The following FCGR3B variants were observed in gnomAD, a reference collection of about 807,000 sequenced individuals.
FCGR3B encodes the protein low affinity immunoglobulin gamma Fc region receptor III-B.
In FCGR3B, 20 loss-of-function variants were observed where a neutral mutation model predicts 26.7. That is an observed-to-expected ratio of 0.75 (90% CI 0.53 to 1.09). FCGR3B has a LOEUF of 1.09. Ranked by LOEUF, FCGR3B falls within the 50% of genes least tolerant of loss-of-function variation. The probability of loss-of-function intolerance (pLI) is 0.00; values close to 1 mark genes in which losing one functional copy is unlikely to be tolerated. For synonymous variants in FCGR3B, 79 were observed against 107.0 expected, an observed-to-expected ratio of 0.74 and a Z score of 1.62; for missense variants, 191 against 279.7, an observed-to-expected ratio of 0.68 and a Z score of 2.26.
At position 161,630,081 on chromosome 1, in the gene FCGR3B, G is replaced by T. The variant is rs1200905878; in HGVS notation, c.62-46C>A. 1.1e-5 allele frequency: 15 copies of T among 1,380,542 alleles called. 1 individual carries two copies. The highest frequency in any genetic ancestry group is 1.5e-5 in the Non-Finnish European group (15 of 1,025,780). 85.5% of individuals were successfully genotyped at this position (1,380,542 alleles called of 1,614,324 possible). A position where few individuals can be genotyped will look rare whatever the true frequency, so the allele number is the denominator to read the frequency against. ...GGGGTGAGGACAGGGAGAGGAGCAG[G>T]CTCTACACTGCCATTCCCAGGGAGC... On this transcript the variant is annotated intron_variant, in intron 2 of 4. Transcript: ENST00000650385.
At chr1:161,626,987 G>A (rs1679498299) in intron 3 of FCGR3B, among the ~76,000 whole-genome samples, 1 of 149,832 alleles carries the variant, frequency 6.7e-6, no homozygotes, top group African/African-American at 2.5e-5. Context: ...GTGGCAATTC[G>A]TGGTTTCTAA....
At position 161,630,805 on chromosome 1, in the gene FCGR3B, T is replaced by A. The variant is rs1679707925; in HGVS notation, c.40+250A>T. 29 of 820,138 alleles carry A rather than the reference T, an allele frequency of 3.5e-5. 1 individual carries two copies. In the South Asian group the frequency reaches 5.3e-4, roughly 15 times the overall value. The allele number at this position is 820,138 out of a possible 1,614,324, so 50.8% of individuals were successfully genotyped here. On this transcript the variant is annotated intron_variant, in intron 1 of 4. Coordinates refer to ENST00000650385, the MANE Select transcript of FCGR3B (RefSeq NM_001244753.2). Reference sequence around the variant, plus strand: ...GACCATCTAGTCGAAGCTCTTTGGTTCCACATAGTGATTCTGGGACCCAGA... The same window carrying A: ...GACCATCTAGTCGAAGCTCTTTGGTACCACATAGTGATTCTGGGACCCAGA...
Position 161,624,356 on chromosome 1 carries a change from G to C in FCGR3B, c.*159C>G. 2.4e-6 allele frequency: 2 copies of C among 841,618 alleles called. 1 individual carries two copies. The highest frequency in any genetic ancestry group is 3.6e-5 in the African/African-American group (2 of 56,256). The allele number at this position is 841,618 out of a possible 1,614,324, so 52.1% of individuals were successfully genotyped here. ...GGCTCTGAGTTCTATGTTTCCTGCT[G>C]CTTGTAGAGAGGCCTGAGGATGATG... On this transcript the variant is annotated 3_prime_UTR_variant, in exon 5 of 5. Coordinates refer to ENST00000650385, the MANE Select transcript of FCGR3B (RefSeq NM_001244753.2).
chr1:161,629,164 A>G (rs1365357744), intron 3 of FCGR3B, among the ~76,000 whole-genome samples: 1 of 87,056 alleles, frequency 1.1e-5, no homozygotes, highest in African/African-American at 4.1e-5. Context: ...GTGGTGGCTC[A>G]CGCCTGTAGT....
chr1:161,630,773 CCCT>C (rs1339206310), intron 1 of FCGR3B: 2 of 611,036 alleles, frequency 3.3e-6, no homozygotes, highest in African/African-American at 3.9e-5. Context: ...AAGAGACAGA[CCCT>C]AGGGACCATC....
Position 161,624,253 on chromosome 1 carries a change from G to C in FCGR3B, c.*262C>G. ...TTCTAGGAATGCAGCTACTCACTGG[G>C]GCTTCCCTGCTTGAAGATCATGGGC... On this transcript the variant is annotated 3_prime_UTR_variant, in exon 5 of 5. Coordinates refer to ENST00000650385, the MANE Select transcript of FCGR3B (RefSeq NM_001244753.2). The C allele has an allele frequency of 4.6e-6, 2 of 438,128 alleles. No individual in the cohort carries two copies. Among genetic ancestry groups the C allele is most frequent in the East Asian group, 6.9e-5 (2 of 29,118 alleles). The allele number at this position is 438,128 out of a possible 1,614,324, so 27.1% of individuals were successfully genotyped here. A position where few individuals can be genotyped will look rare whatever the true frequency, so the allele number is the denominator to read the frequency against.
chr1:161,628,187 C>G (rs945036452), intron 3 of FCGR3B, among the ~76,000 whole-genome samples: 2 of 149,914 alleles, frequency 1.3e-5, no homozygotes, highest in Admixed American at 1.3e-4. Context: ...GCAGGAGAAT[C>G]GCTGGAACCA....
chr1:161,631,297 AG>A, upstream of FCGR3B: 3 of 1,347,808 alleles, frequency 2.2e-6, no homozygotes, highest in South Asian at 4.5e-5. Flanking sequence ...AGGAATAGGA[AG>A]GAAAGAGCCT....
In FCGR3B at chr1:161,627,000, T is replaced by A. The variant is rs1021270478; in HGVS notation, c.320-598A>T. On this transcript the variant is annotated intron_variant, in intron 3 of 4. Coordinates refer to ENST00000650385, the MANE Select transcript of FCGR3B (RefSeq NM_001244753.2). ...GAGTGGCAATTCGTGGTTTCTAAGG[T>A]GTCACAGGGCCTCGGTGAGACCAAC... 1.9e-4 allele frequency among the ~76,000 whole-genome samples: 28 copies of A among 149,758 alleles called. 2 individuals carry two copies. Among genetic ancestry groups the A allele is most frequent in the African/African-American group, 7.0e-4 (28 of 40,130 alleles).
chr1:161,628,440 A>T (rs1174109491), intron 3 of FCGR3B, among the ~76,000 whole-genome samples: 1 of 149,978 alleles, frequency 6.7e-6, no homozygotes, highest in African/African-American at 2.5e-5. Flanking sequence ...CTAGACTTCT[A>T]AAGCCAGTTT....
chr1:161,626,510 A>T, intron 3 of FCGR3B, 108 bp from the exon 4 acceptor site: 2 of 978,498 alleles, frequency 2.0e-6, no homozygotes, highest in South Asian at 1.7e-5. Flanking sequence ...GGAAAGCCAG[A>T]TTGGGAGTCA....
chr1:161,624,468 T>A lies in FCGR3B; in HGVS notation c.*47A>T. 3.1e-6 allele frequency: 5 copies of A among 1,590,858 alleles called. 1 individual carries two copies. The highest frequency in any genetic ancestry group is 4.3e-6 in the Non-Finnish European group (5 of 1,165,802). ...GGATGGGGGTCATGTGTCTTGAGGG[T>A]CCTTTCTCCATTTAAGTTTATGGTC... is the stretch of plus-strand genomic sequence containing the variant. On this transcript the variant is annotated 3_prime_UTR_variant, in exon 5 of 5. Coordinates refer to ENST00000650385, the MANE Select transcript of FCGR3B (RefSeq NM_001244753.2).
In FCGR3B at chr1:161,631,124, A is replaced by G. The variant is rs1232902275; in HGVS notation, c.-30T>C. ...CCACACTGGAGTGGACAAGTCACCA[A>G]AGATATCCGGAGCCCTAAAGGGACC... On this transcript the variant is annotated 5_prime_UTR_variant, in exon 1 of 5. Transcript: ENST00000650385. 17 of 1,607,652 alleles carry G rather than the reference A, an allele frequency of 1.1e-5. No homozygotes were observed. The highest frequency in any genetic ancestry group is 1.1e-5 in the Non-Finnish European group (13 of 1,177,428).
upstream of FCGR3B, chr1:161,631,294 G>A (rs968645287): frequency 2.2e-6 from 3 of 1,360,626 alleles, no homozygotes; most frequent in Non-Finnish European, 3.0e-6. Flanking sequence ...AACAGGAATA[G>A]GAAGGAAAGA....
At chr1:161,626,005 C>T (rs1309808761) in intron 4 of FCGR3B, 140 bp downstream of exon 4, 1 of 958,662 alleles carries the variant, frequency 1.0e-6, no homozygotes, top group African/African-American at 1.8e-5. Context: ...TTGGGGACCT[C>T]CTGGTGATCA....
chr1:161,624,106 A>T lies in FCGR3B; in HGVS notation c.*409T>A, dbSNP rs1239346929. 2.4e-5 allele frequency: 4 copies of T among 167,942 alleles called. 1 individual carries two copies. The highest frequency in any genetic ancestry group is 2.4e-4 in the Admixed American group (4 of 16,916). The allele number at this position is 167,942 out of a possible 1,614,324, so 10.4% of individuals were successfully genotyped here. A position where few individuals can be genotyped will look rare whatever the true frequency, so the allele number is the denominator to read the frequency against. ...TTCTTTTTTTCCCTCTAAACTGGGTAATTTATAATACGAGCAATTTTTGTA... is the reference window on the plus strand; with the variant it reads ...TTCTTTTTTTCCCTCTAAACTGGGTTATTTATAATACGAGCAATTTTTGTA... On this transcript the variant is annotated 3_prime_UTR_variant, in exon 5 of 5. Transcript: ENST00000650385.
At chr1:161,625,316 G>A (rs1448606685) in intron 4 of FCGR3B, among the ~76,000 whole-genome samples, 2 of 137,874 alleles carry the variant, frequency 1.5e-5, no homozygotes, top group Non-Finnish European at 3.1e-5. Context: ...GAAAGTCCAG[G>A]CACACCACTC....
chr1:161,630,324 T>A (rs751680012), intron 2 of FCGR3B, 44 bp downstream of exon 2: 10 of 1,571,204 alleles, frequency 6.4e-6, no homozygotes, highest in Non-Finnish European at 3.5e-6. Flanking sequence ...ATTGTCCCCA[T>A]ATGTGCCCCA....
chr1:161,628,588 TC>T (rs1679592361), intron 3 of FCGR3B, among the ~76,000 whole-genome samples: 1 of 148,084 alleles, frequency 6.8e-6, no homozygotes, highest in African/African-American at 2.5e-5. Context: ...TTCTTGTAGC[TC>T]TGGAGAGTGA....
Sources: allele counts gnomAD v4.1 joint callset (sites outside exome capture counted in the v4.1 genomes callset), GRCh38; gene constraint gnomAD v4.1.1; transcripts MANE v1.5; gene names NCBI Gene and HGNC (gene_info 2026-07-23, HGNC 2026-07-21).